The following LPP variants were observed in gnomAD, a reference collection of about 807,000 sequenced individuals.
The protein encoded by LPP is LIM domain containing preferred translocation partner in lipoma.
LPP carries 38 observed loss-of-function variants against 60.4 expected under a neutral mutation model. That is an observed-to-expected ratio of 0.63 (90% CI 0.49 to 0.83). The LOEUF is 0.83. Ranked by LOEUF, LPP falls within the 40% of genes least tolerant of loss-of-function variation. The pLI is 0.00. For synonymous variants in LPP, 328 were observed against 290.8 expected, an observed-to-expected ratio of 1.13 and a Z score of -1.30; for missense variants, 902 against 783.6, an observed-to-expected ratio of 1.15 and a Z score of -1.80.
At chr3:188,388,087 C>T (rs1163278051) in intron 3 of LPP, among the ~76,000 whole-genome samples, 1 of 151,470 alleles carries the variant, frequency 6.6e-6, no homozygotes, top group Non-Finnish European at 1.5e-5. Context: ...TTTTTTATTG[C>T]CTTTGAAGAT....
chr3:188,559,601 A>G (rs1339696620), intron 6 of LPP, among the ~76,000 whole-genome samples: 1 of 152,042 alleles, frequency 6.6e-6, no homozygotes, highest in Non-Finnish European at 1.5e-5. Flanking sequence ...CGTAGAGTCA[A>G]TAGTTTCACT....
intron 2 of LPP, among the ~76,000 whole-genome samples, chr3:188,290,027 C>T (rs1257557199): frequency 1.3e-5 from 2 of 151,860 alleles, no homozygotes; most frequent in African/African-American, 2.4e-5. Flanking sequence ...CTTACCCTAT[C>T]GCCCAGGATG....
chr3:188,498,161 T>G (rs569745237), intron 5 of LPP, among the ~76,000 whole-genome samples: 1 of 151,908 alleles, frequency 6.6e-6, no homozygotes, highest in East Asian at 1.9e-4. Context: ...TTCTTTTTTT[T>G]CCCCCCCAGC....
intron 6 of LPP, among the ~76,000 whole-genome samples, chr3:188,558,589 TATCTGGC>T (rs1830003434): frequency 6.6e-6 from 1 of 152,108 alleles, no homozygotes; most frequent in Admixed American, 6.6e-5. Flanking sequence ...AACCCTGTGG[TATCTGGC>T]ATGGGTTAGG....
intron 1 of LPP, among the ~76,000 whole-genome samples, chr3:188,186,187 C>T (rs1726545694): frequency 1.3e-5 from 2 of 152,140 alleles, no homozygotes. Flanking sequence ...TAGCTCCAAC[C>T]CCCAGGCCTT....
At chr3:188,515,416 C>T (rs990468828) in intron 5 of LPP, among the ~76,000 whole-genome samples, 1 of 152,200 alleles carries the variant, frequency 6.6e-6, no homozygotes, top group Admixed American at 6.5e-5. Flanking sequence ...ATATAGCCTG[C>T]ATAGTCATGA....
At chr3:188,576,243 T>G (rs1422513518) in intron 6 of LPP, among the ~76,000 whole-genome samples, 1 of 152,156 alleles carries the variant, frequency 6.6e-6, no homozygotes, top group Non-Finnish European at 1.5e-5. Context: ...TTCCTTTAAG[T>G]ACACAGAATT....
chr3:188,537,313 G>A (rs994584611), intron 6 of LPP, among the ~76,000 whole-genome samples: 6 of 151,796 alleles, frequency 4.0e-5, no homozygotes, highest in Admixed American at 1.3e-4. Flanking sequence ...TGCCTTTCTA[G>A]CATTATTGAT....
At chr3:188,325,693 T>G (rs1758241225) in intron 2 of LPP, among the ~76,000 whole-genome samples, 1 of 152,238 alleles carries the variant, frequency 6.6e-6, no homozygotes, top group Non-Finnish European at 1.5e-5. Flanking sequence ...TATGGTAAAT[T>G]AAATAATTTA....
chr3:188,203,268 T>C (rs1731629213), intron 1 of LPP, among the ~76,000 whole-genome samples: 1 of 122,874 alleles, frequency 8.1e-6, no homozygotes. Flanking sequence ...GTAAAATATA[T>C]AATATATAAT....
chr3:188,307,162 A>G (rs1751799157), intron 2 of LPP, among the ~76,000 whole-genome samples: 1 of 152,182 alleles, frequency 6.6e-6, no homozygotes, highest in African/African-American at 2.4e-5. Flanking sequence ...TTATTATCCC[A>G]TTTTACAGAC....
chr3:188,430,675 C>T (rs1790665588), intron 4 of LPP, among the ~76,000 whole-genome samples: 1 of 152,094 alleles, frequency 6.6e-6, no homozygotes, highest in Admixed American at 6.6e-5. Flanking sequence ...TCTGGAGAAG[C>T]AGCACTGGCA....
intron 6 of LPP, among the ~76,000 whole-genome samples, chr3:188,539,255 G>A (rs1021322869): frequency 6.6e-6 from 1 of 152,142 alleles, no homozygotes; most frequent in Admixed American, 6.5e-5. Context: ...CCTCCACTCT[G>A]AATAAGCTTA....
At chr3:188,738,042 T>C (rs1229995932) in intron 8 of LPP, among the ~76,000 whole-genome samples, 1 of 152,188 alleles carries the variant, frequency 6.6e-6, no homozygotes, top group Non-Finnish European at 1.5e-5. Context: ...CCTTTCTCTC[T>C]TCCCCTCTAC....
At chr3:188,577,557 A>G (rs1460034343) in intron 6 of LPP, among the ~76,000 whole-genome samples, 1 of 151,164 alleles carries the variant, frequency 6.6e-6, no homozygotes, top group East Asian at 1.9e-4. Flanking sequence ...ATATTTATAA[A>G]TGTATGTATA....
chr3:188,642,004 G>T (rs374920728), intron 7 of LPP, among the ~76,000 whole-genome samples: 2 of 152,134 alleles, frequency 1.3e-5, no homozygotes, highest in African/African-American at 4.8e-5. Flanking sequence ...GAAGCAAACC[G>T]CATCCTTGCT....
chr3:188,231,907 T>C (rs1460693209), intron 2 of LPP, among the ~76,000 whole-genome samples: 1 of 152,180 alleles, frequency 6.6e-6, no homozygotes, highest in Non-Finnish European at 1.5e-5. Flanking sequence ...AAAAGTTGCA[T>C]AAATCAATAT....
At chr3:188,822,403 C>T (rs761301429) in intron 9 of LPP, among the ~76,000 whole-genome samples, 1 of 151,998 alleles carries the variant, frequency 6.6e-6, no homozygotes, top group Admixed American at 6.6e-5. Flanking sequence ...AAGGGACAGA[C>T]GATTGATGAG....
chr3:188,181,791 A>G (rs1031884374), intron 1 of LPP, among the ~76,000 whole-genome samples: 2 of 152,184 alleles, frequency 1.3e-5, no homozygotes, highest in Admixed American at 6.5e-5. Flanking sequence ...GCATGAGCAT[A>G]GCTCACTGCA....
Sources: gnomAD v4.1 joint callset for allele counts (sites outside exome capture counted in the v4.1 genomes callset) on GRCh38, gnomAD v4.1.1 for gene constraint, MANE v1.5 for transcripts, NCBI Gene and HGNC (gene_info 2026-07-23, HGNC 2026-07-21) for gene names.